Variants in RPH3AL observed in about 807,000 individuals in gnomAD.
RPH3AL encodes rabphilin 3A like (without C2 domains).
RPH3AL carries 38 observed loss-of-function variants against 43.1 expected under a neutral mutation model. The ratio of observed to expected loss-of-function variants is 0.88; its 90% CI spans 0.68 to 1.15. The LOEUF (loss-of-function observed/expected upper bound fraction) is 1.15. Among genes scored for constraint, RPH3AL ranks in the 50% most tolerant of loss-of-function variants. The pLI is 0.00. For missense variants in RPH3AL, 462 were observed against 423.2 expected, an observed-to-expected ratio of 1.09 and a Z score of -0.81; for synonymous variants, 189 against 176.3, an observed-to-expected ratio of 1.07 and a Z score of -0.57.
chr17:309,138 A>C (rs566135830), intron 5 of RPH3AL, among the ~76,000 whole-genome samples: 2 of 152,160 alleles, frequency 1.3e-5, no homozygotes, highest in Non-Finnish European at 2.9e-5. Flanking sequence ...TCTACAAAAA[A>C]TAAAAAATTT....
rs1567604234 is a variant in RPH3AL at position 272,951 on chromosome 17, A to ACTTCAGGGTGAGACCCCAGCG, written c.438+8816_438+8817insCGCTGGGGTCTCACCCTGAAG. Among the ~76,000 whole-genome samples, 16 of 29,342 alleles carry ACTTCAGGGTGAGACCCCAGCG rather than the reference A, an allele frequency of 5.5e-4. 1 individual carries two copies. Among genetic ancestry groups the ACTTCAGGGTGAGACCCCAGCG allele is most frequent in the African/African-American group, 1.3e-3 (13 of 9,998 alleles). 19.2% of individuals were successfully genotyped at this position (29,342 alleles called of 152,430 possible). On this transcript the variant is annotated intron_variant, in intron 6 of 9. Coordinates refer to ENST00000331302, the MANE Select transcript of RPH3AL (RefSeq NM_006987.4). ...GGCGACATCAGGGAGAGACCCCAGC[A>ACTTCAGGGTGAGACCCCAGCG]AGGGCTACGTCAGGGTGAGACCCCA...
intron 5 of RPH3AL, among the ~76,000 whole-genome samples, chr17:293,472 C>T (rs1399975535): frequency 6.7e-5 from 7 of 105,138 alleles, no homozygotes; most frequent in Admixed American, 2.1e-4. Flanking sequence ...GGCTGGGGGC[C>T]GGGGCTCCGG....
intron 5 of RPH3AL, among the ~76,000 whole-genome samples, chr17:314,659 C>A (rs1598084707): frequency 6.8e-6 from 1 of 147,938 alleles, no homozygotes; most frequent in East Asian, 2.0e-4. Context: ...GACTCCACCT[C>A]CATTGACCTG....
At chr17:242,071 C>T (rs948068285) in intron 7 of RPH3AL, among the ~76,000 whole-genome samples, 10 of 152,108 alleles carry the variant, frequency 6.6e-5, no homozygotes, top group Admixed American at 2.6e-4. Flanking sequence ...GAGCAGAGAT[C>T]ACACCACCAC....
chr17:279,065 G>A (rs770733260), intron 6 of RPH3AL, among the ~76,000 whole-genome samples: 6 of 152,210 alleles, frequency 3.9e-5, no homozygotes, highest in African/African-American at 4.8e-5. Flanking sequence ...TTAGGATTTG[G>A]CTTTTGCGGG....
rs757860509 is a variant in RPH3AL, at chr17:321,353, A to T, written c.140T>A (p.Leu47His). ...QTEKQRRKQH[L>H]SPAEVEAILQ... ...GATGGCCTCCACCTCCGCCGGGCTG[A>T]GGTGCTGCTTCCTCCTCTGCTTCTC... is the stretch of plus-strand genomic sequence containing the variant. Residue 47 changes from leucine (L) to histidine (H), a missense_variant, in exon 4 of 10, where the codon CTC (leucine) becomes CAC (histidine). Physicochemically the swap from Leu to His is moderately conservative, Grantham distance 99 (BLOSUM62 -3). Coordinates refer to ENST00000331302, the MANE Select transcript of RPH3AL (RefSeq NM_006987.4). 2 of 1,611,576 alleles carry T rather than the reference A, an allele frequency of 1.2e-6. No individual in the cohort carries two copies. The highest frequency in any genetic ancestry group is 1.7e-5 in the Admixed American group (1 of 59,990).
At chr17:220,463 G>C (rs1218782139) in intron 7 of RPH3AL, among the ~76,000 whole-genome samples, 1 of 123,610 alleles carries the variant, frequency 8.1e-6, no homozygotes. Context: ...CAACAGCTCT[G>C]AGGCCTCCAC....
Position 215,513 on chromosome 17 carries a change from C to G in RPH3AL, c.876+141G>C, listed in dbSNP as rs1237950725. On this transcript the variant is annotated intron_variant, in intron 9 of 9. Transcript: ENST00000331302. The surrounding 1 kb of genome is among the most constrained non-coding windows in gnomAD (Gnocchi z 4.1). ...CAGGCAGGGATGGGGTCTGGCTCACCTTGTTCCCCCGCACAGTGCTTGGTA... is the reference window on the plus strand; with the variant it reads ...CAGGCAGGGATGGGGTCTGGCTCACGTTGTTCCCCCGCACAGTGCTTGGTA... 1 of 789,086 alleles carries G rather than the reference C, an allele frequency of 1.3e-6. No homozygotes were observed. The allele number at this position is 789,086 out of a possible 1,614,324, so 48.9% of individuals were successfully genotyped here.
At chr17:297,463 G>C (rs575773156) in intron 5 of RPH3AL, among the ~76,000 whole-genome samples, 1 of 152,300 alleles carries the variant, frequency 6.6e-6, no homozygotes, top group East Asian at 1.9e-4. Flanking sequence ...TCCTGGGACC[G>C]AGCCCTCGTC....
chr17:236,883 A>G (rs948838695), intron 7 of RPH3AL, among the ~76,000 whole-genome samples: 4 of 152,258 alleles, frequency 2.6e-5, no homozygotes, highest in African/African-American at 9.6e-5. Context: ...GGGTTTTGGA[A>G]GCCGGGATCC....
At chr17:331,973 G>T in intron 2 of RPH3AL, 2 of 947,324 alleles carry the variant, frequency 2.1e-6, no homozygotes, top group South Asian at 1.4e-5. Context: ...AATTCAGGAG[G>T]GAGGATGGAA....
chr17:241,786 G>C (rs2041543947), intron 7 of RPH3AL, among the ~76,000 whole-genome samples: 1 of 139,362 alleles, frequency 7.2e-6, no homozygotes, highest in South Asian at 2.2e-4. Context: ...GAATTAACTC[G>C]CTAAAATATA....
At position 248,475 on chromosome 17, in the gene RPH3AL, C is replaced by T. The variant is rs975706649; in HGVS notation, c.439-1190G>A. The stretch of plus-strand genomic sequence containing the variant: ...TGCCAGGGCCCAAGCAGGTGTAAAG[C>T]ATCCCTTTATCACTGCCCTGGGGAA... On this transcript the variant is annotated intron_variant, in intron 6 of 9. Transcript: ENST00000331302. Among the ~76,000 whole-genome samples the T allele has an allele frequency of 2.2e-4, 33 of 152,212 alleles. 2 individuals carry two copies. Among genetic ancestry groups the T allele is most frequent in the Admixed American group, 1.8e-3 (27 of 15,290 alleles).
intron 6 of RPH3AL, among the ~76,000 whole-genome samples, chr17:273,812 G>A (rs1163747335): frequency 6.6e-6 from 1 of 152,226 alleles, no homozygotes; most frequent in African/African-American, 2.4e-5. Context: ...ATCAGGATGT[G>A]GCGGGAAATT....
intron 2 of RPH3AL, 94 bp from the exon 3 acceptor site, chr17:327,673 A>G (rs2151709183): frequency 1.4e-6 from 1 of 713,410 alleles, no homozygotes; most frequent in Non-Finnish European, 2.4e-6. Flanking sequence ...CCTCCACACC[A>G]TCTCCATGCA....
rs577241815 is a variant in RPH3AL at position 327,957 on chromosome 17, G to A, written c.-36-378C>T. On this transcript the variant is annotated intron_variant, in intron 2 of 9. Transcript: ENST00000331302. ...GTACAGCAGGGGCCGAACTGAGCAC[G>A]TCACCCAGCAGGAGGGGCTGGGCTG... is the stretch of plus-strand genomic sequence containing the variant. 5.3e-5 allele frequency among the ~76,000 whole-genome samples: 8 copies of A among 152,288 alleles called. No homozygotes were observed. In the East Asian group the frequency reaches 5.8e-4, roughly 11 times the overall value.
At chr17:231,124 T>C (rs948695335) in intron 7 of RPH3AL, among the ~76,000 whole-genome samples, 2 of 152,182 alleles carry the variant, frequency 1.3e-5, no homozygotes, top group Non-Finnish European at 2.9e-5. Context: ...CTCCTCTCAC[T>C]CTCCAGGATC....
At chr17:304,952 G>T (rs201473595) in intron 5 of RPH3AL, among the ~76,000 whole-genome samples, 5 of 42,044 alleles carry the variant, frequency 1.2e-4, no homozygotes, top group African/African-American at 4.4e-4. Flanking sequence ...AGGGCGAGAG[G>T]GGGACAGGGC....
At chr17:222,222 G>A (rs2041008795) in intron 7 of RPH3AL, among the ~76,000 whole-genome samples, 1 of 152,274 alleles carries the variant, frequency 6.6e-6, no homozygotes, top group Admixed American at 6.5e-5. Flanking sequence ...CTGTGAGGTA[G>A]GAAACAGCAT....
Sources: allele counts gnomAD v4.1 joint callset (sites outside exome capture counted in the v4.1 genomes callset), GRCh38; gene constraint gnomAD v4.1.1; non-coding constraint Gnocchi (gnomAD v3.1); transcripts MANE v1.5; gene names NCBI Gene and HGNC (gene_info 2026-07-23, HGNC 2026-07-21).